RNLS: variants seen among roughly 807,000 people sequenced by gnomAD.
RNLS encodes renalase, FAD dependent amine oxidase.
RNLS carries 39 observed loss-of-function variants against 39.8 expected under a neutral mutation model. That is an observed-to-expected ratio of 0.98 (90% confidence interval 0.76 to 1.28). The LOEUF (loss-of-function observed/expected upper bound fraction) is 1.28. RNLS is among the 50% of genes most tolerant of loss of function. The probability of loss-of-function intolerance (pLI) is 0.00; values close to 1 mark genes in which losing one functional copy is unlikely to be tolerated. For missense variants in RNLS, 410 were observed against 413.3 expected (o/e 0.99, Z 0.07); for synonymous variants, 147 against 150.7 (o/e 0.98, Z 0.18).
intron 4 of RNLS, among the ~76,000 whole-genome samples, chr10:88,475,782 C>T (rs1016777688): frequency 2.0e-5 from 3 of 151,892 alleles, no homozygotes; most frequent in African/African-American, 7.3e-5. Flanking sequence ...TAAGAAAATA[C>T]AAAATCCATG....
In RNLS at chr10:88,572,823, G is replaced by A. The variant is rs1308053675; in HGVS notation, c.526+80C>T. The A allele has an allele frequency of 3.5e-5, 51 of 1,449,694 alleles. 2 individuals are homozygous for A. The Admixed American group carries it at 8.3e-4, about 24-fold the overall frequency. 89.8% of individuals were successfully genotyped at this position (1,449,694 alleles called of 1,614,324 possible). On this transcript the variant is annotated intron_variant, in intron 4 of 6. Transcript: ENST00000331772. ...ATAGAGTCTATCACTTGTCCTTTGCGAAGAGAGTTAAACCAAATTCATGCT... is the reference window on the plus strand; with the variant it reads ...ATAGAGTCTATCACTTGTCCTTTGCAAAGAGAGTTAAACCAAATTCATGCT...
At chr10:88,272,687 T>A (rs1842681588), downstream of RNLS, among the ~76,000 whole-genome samples, 2 of 152,322 alleles carry the variant, frequency 1.3e-5, no homozygotes, top group African/African-American at 4.8e-5. Context: ...AGTATTGATC[T>A]TCAAATGATT....
the RNLS span, among the ~76,000 whole-genome samples, chr10:88,218,665 C>T: frequency 2.6e-5 from 4 of 152,140 alleles, no homozygotes; most frequent in Non-Finnish European, 5.9e-5. Context: ...CAGTGTAGGC[C>T]CCAGCTGAGC....
downstream of RNLS, among the ~76,000 whole-genome samples, chr10:88,282,168 C>A (rs960454110): frequency 6.6e-6 from 1 of 152,096 alleles, no homozygotes. Context: ...CCATATTAGA[C>A]TCCTGTATAT....
chr10:88,449,737 C>T (rs1401708973), intron 4 of RNLS, among the ~76,000 whole-genome samples: 2 of 152,016 alleles, frequency 1.3e-5, no homozygotes, highest in African/African-American at 4.8e-5. Context: ...TTAAAAAATG[C>T]AAGGCCATAT....
At chr10:88,493,490 A>G (rs1845000028) in intron 4 of RNLS, among the ~76,000 whole-genome samples, 1 of 152,098 alleles carries the variant, frequency 6.6e-6, no homozygotes, top group Admixed American at 6.5e-5. Context: ...TTAAAAAAAA[A>G]CACTCAGCAA....
At chr10:88,279,030 G>A (rs1842913721) in intron 6 of RNLS, among the ~76,000 whole-genome samples, 1 of 152,182 alleles carries the variant, frequency 6.6e-6, no homozygotes, top group African/African-American at 2.4e-5. Context: ...TATTGAACAA[G>A]TAAGTACACA....
chr10:88,559,743 G>A (rs76117665), intron 4 of RNLS, among the ~76,000 whole-genome samples: 3 of 151,950 alleles, frequency 2.0e-5, no homozygotes, highest in Non-Finnish European at 4.4e-5. Context: ...GGGAAAACAG[G>A]AACAGGTAAG....
At chr10:88,241,507 C>G in the RNLS span, among the ~76,000 whole-genome samples, 5 of 152,080 alleles carry the variant, frequency 3.3e-5, no homozygotes, top group Non-Finnish European at 7.4e-5. Flanking sequence ...CTTTTCATGT[C>G]TAGTACTGTT....
chr10:88,247,664 A>G, the RNLS span, among the ~76,000 whole-genome samples: 1 of 152,230 alleles, frequency 6.6e-6, no homozygotes, highest in Admixed American at 6.5e-5. Flanking sequence ...AGATTCCTAT[A>G]TCCTAATCCC....
At chr10:88,178,793 A>G in the RNLS span, among the ~76,000 whole-genome samples, 1 of 152,124 alleles carries the variant, frequency 6.6e-6, no homozygotes, top group Non-Finnish European at 1.5e-5. Flanking sequence ...GTCAATTTAG[A>G]ACTTCCACTG....
intron 4 of RNLS, among the ~76,000 whole-genome samples, chr10:88,572,568 G>C (rs1773339307): frequency 1.3e-5 from 2 of 152,118 alleles, no homozygotes; most frequent in Non-Finnish European, 2.9e-5. Context: ...GGCAATCCAA[G>C]CAAGTACTTG....
the RNLS span, among the ~76,000 whole-genome samples, chr10:88,175,856 TGTATTGGA>T: frequency 6.6e-6 from 1 of 152,218 alleles, no homozygotes; most frequent in South Asian, 2.1e-4. Flanking sequence ...TCCCTGCTAT[TGTATTGGA>T]GTCTATTTCT....
chr10:88,414,285 G>C (rs1338945256), intron 4 of RNLS, among the ~76,000 whole-genome samples: 1 of 151,810 alleles, frequency 6.6e-6, no homozygotes, highest in East Asian at 1.9e-4. Flanking sequence ...TGAGAGATTA[G>C]GAAATTTGAA....
At chr10:88,518,375 A>C (rs900398572) in intron 4 of RNLS, among the ~76,000 whole-genome samples, 1 of 151,912 alleles carries the variant, frequency 6.6e-6, no homozygotes, top group African/African-American at 2.4e-5. Flanking sequence ...TGAAGGAAAA[A>C]AATTCTGTCA....
chr10:88,230,507 C>T, the RNLS span, among the ~76,000 whole-genome samples: 1 of 152,120 alleles, frequency 6.6e-6, no homozygotes, highest in South Asian at 2.1e-4. Context: ...TGCCTTCTTC[C>T]CCCTCCAATG....
Position 88,538,281 on chromosome 10 carries a change from T to G in RNLS, c.526+34622A>C, listed in dbSNP as rs370178261. Among the ~76,000 whole-genome samples, 904 of 152,270 alleles carry G rather than the reference T, an allele frequency of 5.9e-3. 5 individuals carry two copies. The highest frequency in any genetic ancestry group is 0.011 in the Non-Finnish European group (736 of 68,008). ...CTCTTAGCCCAGAAGTTCCCTGATT[T>G]TGAAATGCATGTGCTAAGAAAGAAC... On this transcript the variant is annotated intron_variant, in intron 4 of 6. Transcript: ENST00000331772.
chr10:88,445,772 A>C (rs568634575), intron 4 of RNLS, among the ~76,000 whole-genome samples: 2 of 152,350 alleles, frequency 1.3e-5, no homozygotes, highest in South Asian at 4.1e-4. Flanking sequence ...AACTATCCTA[A>C]ATATACATGC....
At chr10:88,195,917 T>C in the RNLS span, among the ~76,000 whole-genome samples, 1 of 152,190 alleles carries the variant, frequency 6.6e-6, no homozygotes, top group Non-Finnish European at 1.5e-5. Context: ...TGTAATAAAA[T>C]ATGACCTGAG....
Sources: gnomAD v4.1 joint callset for allele counts (sites outside exome capture counted in the v4.1 genomes callset) on GRCh38, gnomAD v4.1.1 for gene constraint, MANE v1.5 for transcripts, NCBI Gene and HGNC (gene_info 2026-07-23, HGNC 2026-07-21) for gene names.